The following MEP1A variants were observed in gnomAD, a reference collection of about 807,000 sequenced individuals.
The protein encoded by MEP1A is meprin A subunit alpha, also known as N-benzoyl-L-tyrosyl-P-amino-benzoic acid hydrolase subunit alpha.
In MEP1A, 68 loss-of-function variants were observed where a neutral mutation model predicts 84.5. The observed-to-expected ratio is 0.80, with a 90% CI of 0.66 to 0.98. The LOEUF (loss-of-function observed/expected upper bound fraction) is 0.98, where lower values mean the gene tolerates loss of function less well. MEP1A is among the 50% of genes least tolerant of loss of function. MEP1A has a pLI of 0.00. For synonymous variants in MEP1A, 337 were observed against 336.8 expected, an observed-to-expected ratio of 1.00 and a Z score of -0.01; for missense variants, 887 against 919.9, an observed-to-expected ratio of 0.96 and a Z score of 0.46.
intron 3 of MEP1A, among the ~76,000 whole-genome samples, chr6:46,797,177 A>G (rs1461137320): frequency 6.6e-6 from 1 of 152,236 alleles, no homozygotes; most frequent in Non-Finnish European, 1.5e-5. Flanking sequence ...AGGCTTTGCC[A>G]AATGAGGTCT....
intron 5 of MEP1A, among the ~76,000 whole-genome samples, chr6:46,802,337 C>T (rs1196814061): frequency 6.6e-6 from 1 of 151,558 alleles, no homozygotes; most frequent in East Asian, 1.9e-4. Flanking sequence ...ATTTTTGATG[C>T]TATTAAAATG....
rs115263180 is a variant in MEP1A at position 46,831,006 on chromosome 6, A to C, written c.1144+1435A>C. Among the ~76,000 whole-genome samples the C allele has an allele frequency of 4.1e-3, 629 of 152,338 alleles. 8 individuals carry two copies. The highest frequency in any genetic ancestry group is 0.015 in the African/African-American group (604 of 41,572). On this transcript the variant is annotated intron_variant, in intron 10 of 13. Transcript: ENST00000230588. ...AAAGCTAAAAGCGTTACTTCTAAGC[A>C]TAAAATCAATCAAGCAAACATCCTA...
rs1351421228 is a variant in MEP1A at position 46,834,203 on chromosome 6, G to A, written c.1610-375G>A. On this transcript the variant is annotated intron_variant, in intron 11 of 13. Coordinates refer to ENST00000230588, the MANE Select transcript of MEP1A (RefSeq NM_005588.3). The stretch of plus-strand genomic sequence containing the variant: ...CTCCCAAAGTGCTAGGATTACAGGC[G>A]TGAGCCACCACGCCTGGCACTAATT... 8.6e-5 allele frequency among the ~76,000 whole-genome samples: 13 copies of A among 151,602 alleles called. 1 individual carries two copies. The highest frequency in any genetic ancestry group is 2.1e-4 in the South Asian group (1 of 4,794).
At chr6:46,799,665 C>T (rs952262196) in intron 5 of MEP1A, among the ~76,000 whole-genome samples, 4 of 152,156 alleles carry the variant, frequency 2.6e-5, no homozygotes, top group African/African-American at 9.7e-5. Context: ...TCTTTTCTCT[C>T]TCTTAAGAAA....
At chr6:46,799,890 A>G (rs1767154572) in intron 5 of MEP1A, among the ~76,000 whole-genome samples, 1 of 152,184 alleles carries the variant, frequency 6.6e-6, no homozygotes, top group Non-Finnish European at 1.5e-5. Context: ...TCCTGCTTAG[A>G]CAGATGAACA....
At chr6:46,804,548 G>A (rs376956359) in intron 5 of MEP1A, among the ~76,000 whole-genome samples, 7 of 151,474 alleles carry the variant, frequency 4.6e-5, no homozygotes, top group South Asian at 2.1e-4. Context: ...AGTCGCTTTC[G>A]GGCACTAGTA....
intron 9 of MEP1A, among the ~76,000 whole-genome samples, chr6:46,827,876 G>A (rs999441901): frequency 6.6e-6 from 1 of 152,186 alleles, no homozygotes; most frequent in Non-Finnish European, 1.5e-5. Flanking sequence ...CTGAAAAAAT[G>A]TTCTAGTAAG....
At chr6:46,835,724 C>T (rs1180130018) in intron 13 of MEP1A, among the ~76,000 whole-genome samples, 175 bp downstream of exon 13, 1 of 152,192 alleles carries the variant, frequency 6.6e-6, no homozygotes, top group Non-Finnish European at 1.5e-5. Flanking sequence ...GCTTATGCTG[C>T]CAGGACAGAG....
At chr6:46,798,497 AG>A in intron 3 of MEP1A, 108 bp from the exon 4 acceptor site, 1 of 942,582 alleles carries the variant, frequency 1.1e-6, no homozygotes, top group African/African-American at 1.6e-5. Context: ...TGCCACATAA[AG>A]ATTAATATTC....
chr6:46,841,484 G>A (rs1581694019), downstream of MEP1A, among the ~76,000 whole-genome samples: 1 of 152,198 alleles, frequency 6.6e-6, no homozygotes, highest in African/African-American at 2.4e-5. Flanking sequence ...CAGAGGGCAT[G>A]TAGGGTGGGG....
Position 46,835,503 on chromosome 6 carries a change from C to T in MEP1A, c.2038C>T (p.Gln680Ter). 1.2e-6 allele frequency: 2 copies of T among 1,613,582 alleles called. No homozygotes were observed. The highest frequency in any genetic ancestry group is 8.5e-7 in the Non-Finnish European group (1 of 1,179,796). Residue 680 changes from glutamine (Q) to a stop codon, truncating the protein, a stop_gained, in exon 13 of 14, where the codon CAA (glutamine) becomes TAA (stop). Coordinates refer to ENST00000230588, the MANE Select transcript of MEP1A (RefSeq NM_005588.3). LOFTEE classifies it high-confidence loss of function. ...AGACCCATGTGACCCAAACCCTTGC[C>T]AAAATGACGGCATCTGTGTGAACGT... is the stretch of plus-strand genomic sequence containing the variant. ...FRDPCDPNPCQNDGICVNVKG... is the reference protein window; with the variant it reads ...FRDPCDPNPC
intron 5 of MEP1A, among the ~76,000 whole-genome samples, chr6:46,807,425 G>A (rs985115244): frequency 2.0e-5 from 3 of 150,818 alleles, no homozygotes; most frequent in Admixed American, 1.3e-4. Context: ...TATAATCTCA[G>A]CACTTTGGGA....
intron 3 of MEP1A, among the ~76,000 whole-genome samples, chr6:46,795,630 G>T (rs1253334997): frequency 6.6e-6 from 1 of 152,108 alleles, no homozygotes; most frequent in Non-Finnish European, 1.5e-5. Flanking sequence ...CTACAGTTGA[G>T]ACTTTTCAGC....
intron 5 of MEP1A, among the ~76,000 whole-genome samples, chr6:46,807,565 A>AAAGGAAGG (rs1221947370): frequency 3.3e-4 from 24 of 71,826 alleles, no homozygotes; most frequent in South Asian, 5.8e-4. Flanking sequence ...AGAAAGAAAG[A>AAAGGAAGG]AAGGAAGGAA....
intron 6 of MEP1A, among the ~76,000 whole-genome samples, chr6:46,815,679 A>G (rs1272640821): frequency 6.6e-6 from 1 of 152,156 alleles, no homozygotes; most frequent in Non-Finnish European, 1.5e-5. Flanking sequence ...GAGTCTCCCT[A>G]CACTGCTCTG....
chr6:46,816,248 C>T (rs978721560), intron 6 of MEP1A, among the ~76,000 whole-genome samples: 5 of 152,214 alleles, frequency 3.3e-5, no homozygotes, highest in Admixed American at 3.3e-4. Flanking sequence ...TGAGCCACCG[C>T]GCCCGGCCTC....
chr6:46,843,119 G>C (rs1768362364), downstream of MEP1A, among the ~76,000 whole-genome samples: 1 of 152,192 alleles, frequency 6.6e-6, no homozygotes, highest in Non-Finnish European at 1.5e-5. Flanking sequence ...CTCAGCCCTG[G>C]TAATATTTTG....
chr6:46,799,015 A>C (rs1429521851), intron 4 of MEP1A, 91 bp from the exon 5 acceptor site: 5 of 797,776 alleles, frequency 6.3e-6, no homozygotes, highest in Admixed American at 1.9e-5. Context: ...TGTGTGATAG[A>C]CTGTTTGCTC....
intron 8 of MEP1A, 135 bp downstream of exon 8, chr6:46,825,628 T>A: frequency 7.4e-6 from 5 of 679,218 alleles, no homozygotes; most frequent in Non-Finnish European, 1.2e-5. Flanking sequence ...ACTGCGTAAC[T>A]TTTGTTGGTC....
Sources: allele counts gnomAD v4.1 joint callset (sites outside exome capture counted in the v4.1 genomes callset), GRCh38; gene constraint gnomAD v4.1.1; transcripts MANE v1.5; gene names NCBI Gene and HGNC (gene_info 2026-07-23, HGNC 2026-07-21).